IL27RA: variants seen among roughly 807,000 people sequenced by gnomAD.
IL27RA encodes the protein interleukin-27 receptor subunit alpha.
In IL27RA, 61 loss-of-function variants were observed where a neutral mutation model predicts 80.8. The observed-to-expected ratio is 0.76, with a 90% CI of 0.61 to 0.93. The LOEUF is 0.93. Ranked by LOEUF, IL27RA falls within the 40% of genes least tolerant of loss-of-function variation. The pLI is 0.00. For synonymous variants in IL27RA, 316 were observed against 332.5 expected (o/e 0.95, Z 0.54); for missense variants, 735 against 808.1 (o/e 0.91, Z 1.10).
At chr19:14,038,020 G>A (rs945212676) in intron 2 of IL27RA, among the ~76,000 whole-genome samples, 3 of 151,510 alleles carry the variant, frequency 2.0e-5, no homozygotes, top group Non-Finnish European at 4.4e-5. Flanking sequence ...TAGTAGAGAC[G>A]GGGGTTTCAC....
chr19:14,038,585 AAAAGAG>A (rs1975939862), intron 2 of IL27RA, among the ~76,000 whole-genome samples: 1 of 149,798 alleles, frequency 6.7e-6, no homozygotes, highest in East Asian at 1.9e-4. Flanking sequence ...AAAAAAAAAA[AAAAGAG>A]AGAGAGGAAA....
At position 14,052,201 on chromosome 19, in the gene IL27RA, C is replaced by T; in HGVS notation, c.1822C>T (p.Pro608Ser). 1 of 1,607,258 alleles carries T rather than the reference C, an allele frequency of 6.2e-7. No individual in the cohort carries two copies. Among genetic ancestry groups the T allele is most frequent in the Non-Finnish European group, 8.5e-7 (1 of 1,176,946 alleles). ...CTCCCAGCCCGCCCAGGCCACCGCC[C>T]CGCTTGACTCTGGGTATGAGAAGCA... ...ESSQPAQATA[P>S]LDSGYEKHFL... is the part of the protein sequence containing the mutation. The change falls in exon 14 of 14, where the codon CCG becomes TCG. Residue 608 changes from proline to serine, a missense_variant. Pro to Ser is a moderately conservative substitution (Grantham distance 74). Coordinates refer to ENST00000263379, the MANE Select transcript of IL27RA (RefSeq NM_004843.4).
At chr19:14,039,946 C>CG in intron 4 of IL27RA, 36 bp downstream of exon 4, 1 of 1,600,814 alleles carries the variant, frequency 6.2e-7, no homozygotes, top group Non-Finnish European at 8.5e-7. Flanking sequence ...CACCCTATTC[C>CG]GGGCGGGGAC....
At chr19:14,039,473 G>C (rs199726461) in intron 2 of IL27RA, 35 bp from the exon 3 acceptor site, 10 of 1,586,776 alleles carry the variant, frequency 6.3e-6, no homozygotes, top group Non-Finnish European at 8.6e-6. Flanking sequence ...GGCTCTAGCC[G>C]AGTGTGCATC....
At chr19:14,044,949 C>T (rs1013174245) in intron 6 of IL27RA, among the ~76,000 whole-genome samples, 8 of 150,948 alleles carry the variant, frequency 5.3e-5, no homozygotes, top group African/African-American at 2.0e-4. Context: ...GATGGTGAAA[C>T]CCCCATCTCT....
rs749993806 is a variant in IL27RA, at chr19:14,039,617, G to T, written c.328G>T (p.Ala110Ser). Residue 110 changes from alanine to serine, a missense_variant, in exon 3 of 14, where the codon GCA (alanine) becomes TCA (serine). Coordinates refer to ENST00000263379, the MANE Select transcript of IL27RA (RefSeq NM_004843.4). ...SDKLLVWGTK[A>S]GQPLWPPVFV... ...CAAACTCCTTGTCTGGGGCACTAAG[G>T]CAGGCCAGCCTCTCTGGCCCCCCGT... 10 of 1,614,110 alleles carry T rather than the reference G, an allele frequency of 6.2e-6. No homozygotes were observed. The South Asian group carries it at 1.1e-4, about 18-fold the overall frequency.
In IL27RA at chr19:14,032,416, T is replaced by G. The variant is rs547887498; in HGVS notation, c.131T>G (p.Val44Gly). 2.5e-6 allele frequency: 4 copies of G among 1,613,414 alleles called. No homozygotes were observed. The African/African-American group carries it at 4.0e-5, about 16-fold the overall frequency. The change falls in exon 2 of 14, where the codon GTT (valine) becomes GGT (glycine). Residue 44 changes from valine (V) to glycine (G), a missense_variant. Physicochemically the swap from Val to Gly is moderately radical, Grantham distance 109 (BLOSUM62 -3). Transcript: ENST00000263379. Reference sequence around the variant, plus strand: ...GCCGGGCCACTGCAGTGCTACGGAGTTGGACCCTTGGGCGACTTGAACTGC... The same window carrying G: ...GCCGGGCCACTGCAGTGCTACGGAGGTGGACCCTTGGGCGACTTGAACTGC... Reference protein sequence around the residue: ...GSAGPLQCYGVGPLGDLNCSW... With the variant: ...GSAGPLQCYGGGPLGDLNCSW...
At chr19:14,036,221 C>T (rs904500985) in intron 2 of IL27RA, among the ~76,000 whole-genome samples, 5 of 152,102 alleles carry the variant, frequency 3.3e-5, no homozygotes, top group African/African-American at 1.2e-4. Context: ...TCTCAAACTC[C>T]TGAGCTCAAG....
At chr19:14,044,397 A>G (rs1976033819) in intron 6 of IL27RA, among the ~76,000 whole-genome samples, 1 of 151,630 alleles carries the variant, frequency 6.6e-6, no homozygotes, top group South Asian at 2.1e-4. Flanking sequence ...CCGCCACCAC[A>G]CCCGGCTAAT....
chr19:14,042,578 G>C lies in IL27RA; in HGVS notation c.660G>C (p.Trp220Cys). Residue 220 changes from tryptophan (W) to cysteine (C), a missense_variant, in exon 5 of 14, where the codon TGG becomes TGC. Coordinates refer to ENST00000263379, the MANE Select transcript of IL27RA (RefSeq NM_004843.4). The stretch of plus-strand genomic sequence containing the variant: ...AAGAAGAGGATTTGTGGGGCGAGTG[G>C]AGCCCCATTTTGTCCTTCCAGACAC... ...MEKEEDLWGE[W>C]SPILSFQTPP... 6.2e-7 allele frequency: 1 copy of C among 1,614,118 alleles called. No individual in the cohort carries two copies. Among genetic ancestry groups the C allele is most frequent in the Non-Finnish European group, 8.5e-7 (1 of 1,180,022 alleles).
chr19:14,032,452 C>G lies in IL27RA; in HGVS notation c.167C>G (p.Pro56Arg). 1 of 1,613,710 alleles carries G rather than the reference C, an allele frequency of 6.2e-7. No homozygotes were observed. Among genetic ancestry groups the G allele is most frequent in the Non-Finnish European group, 8.5e-7 (1 of 1,179,922 alleles). ...PLGDLNCSWE[P>R]LGDLGAPSEL... ...GGCGACTTGAACTGCTCGTGGGAGC[C>G]TCTTGGGGACCTGGGAGCCCCCTCC... Residue 56 changes from proline to arginine, a missense_variant, in exon 2 of 14, where the codon CCT becomes CGT. Physicochemically the swap from Pro to Arg is moderately radical, Grantham distance 103. Transcript: ENST00000263379.
chr19:14,050,887 G>A lies in IL27RA; in HGVS notation c.1528+4G>A, dbSNP rs1976152639. 1 of 1,603,146 alleles carries A rather than the reference G, an allele frequency of 6.2e-7. No homozygotes were observed. Among genetic ancestry groups the A allele is most frequent in the Non-Finnish European group, 8.5e-7 (1 of 1,172,092 alleles). ...ATCCTCCGGCTTCATCTACCAGGTA[G>A]GGGGGTTGGGATGGGATTGCCACAG... On this transcript the variant is annotated splice_donor_region_variant and intron_variant, in intron 11 of 13. Coordinates refer to ENST00000263379, the MANE Select transcript of IL27RA (RefSeq NM_004843.4).
rs1466143726 is a variant in IL27RA at position 14,049,208 on chromosome 19, C to A, written c.1296C>A (p.Thr432=). 3 of 1,614,188 alleles carry A rather than the reference C, an allele frequency of 1.9e-6. No homozygotes were observed. The highest frequency in any genetic ancestry group is 2.5e-6 in the Non-Finnish European group (3 of 1,180,026). Residue 432 remains threonine (T), a synonymous_variant, in exon 10 of 14, where the codon ACC becomes ACA. Transcript: ENST00000263379. The part of the protein sequence containing the change: ...LWRLQDAPPG[T]PAIAWGEVPR... The stretch of plus-strand genomic sequence containing the variant: ...GACTCCAAGATGCCCCTCCAGGGAC[C>A]CCCGCCATAGCGTGGGGAGAGGTCC...
At chr19:14,046,651 C>G (rs376926653) in intron 8 of IL27RA, 33 bp downstream of exon 8, 1 of 1,549,742 alleles carries the variant, frequency 6.5e-7, no homozygotes. Flanking sequence ...TCTCCATCCC[C>G]GCTGTTAGAG....
At position 14,033,042 on chromosome 19, in the gene IL27RA, G is replaced by A. The variant is rs184041460; in HGVS notation, c.218+539G>A. On this transcript the variant is annotated intron_variant, in intron 2 of 13. Transcript: ENST00000263379. ...TCCCAGCATTTTGGGAGGCCGAGGC[G>A]GGAGGATCGCTTGAGCCCAGGAGGA... Among the ~76,000 whole-genome samples the A allele has an allele frequency of 1.7e-3, 254 of 151,220 alleles. 1 individual carries two copies. The highest frequency in any genetic ancestry group is 5.8e-3 in the African/African-American group (238 of 41,266).
At chr19:14,036,285 C>CCA (rs1053266665) in intron 2 of IL27RA, among the ~76,000 whole-genome samples, 3 of 151,998 alleles carry the variant, frequency 2.0e-5, no homozygotes, top group Middle Eastern at 3.4e-3. Flanking sequence ...GCTACTATGC[C>CCA]CAGCCTGAGA....
chr19:14,032,550 G>A, intron 2 of IL27RA, 47 bp downstream of exon 2: 2 of 1,258,660 alleles, frequency 1.6e-6, no homozygotes, highest in Non-Finnish European at 2.3e-6. Flanking sequence ...GGAGGTGGCC[G>A]CTCAGGCCCC....
In IL27RA at chr19:14,050,784, C is replaced by A; in HGVS notation, c.1429C>A (p.Leu477Met). The A allele has an allele frequency of 6.2e-7, 1 of 1,613,410 alleles. No individual in the cohort carries two copies. The highest frequency in any genetic ancestry group is 8.5e-7 in the Non-Finnish European group (1 of 1,179,460). ...NVSGNTQSVT[L>M]PDLPWGPCEL... ...GAGTGGCAACACACAGAGTGTCACCCTGCCTGACCTTCCTTGGGGTCCCTG... is the reference window on the plus strand; with the variant it reads ...GAGTGGCAACACACAGAGTGTCACCATGCCTGACCTTCCTTGGGGTCCCTG... Residue 477 changes from leucine (L) to methionine (M), a missense_variant, in exon 11 of 14, where the codon CTG becomes ATG. Leu to Met is a conservative substitution (Grantham distance 15). Transcript: ENST00000263379.
intron 6 of IL27RA, 115 bp from the exon 7 acceptor site, chr19:14,046,039 A>G: frequency 9.5e-7 from 1 of 1,050,924 alleles, no homozygotes; most frequent in Non-Finnish European, 1.4e-6. Context: ...AAACAAACAA[A>G]CAAACAAACA....
Sources: allele counts gnomAD v4.1 joint callset (sites outside exome capture counted in the v4.1 genomes callset), GRCh38; gene constraint gnomAD v4.1.1; transcripts MANE v1.5; gene names NCBI Gene and HGNC (gene_info 2026-07-23, HGNC 2026-07-21).